SUSD1: variants seen among roughly 807,000 people sequenced by gnomAD.
SUSD1 encodes sushi domain-containing protein 1.
SUSD1 carries 65 observed loss-of-function variants against 86.9 expected under a neutral mutation model. The observed-to-expected ratio is 0.75, with a 90% CI of 0.61 to 0.92. The LOEUF is 0.92. SUSD1 is among the 40% of genes least tolerant of loss of function. The pLI is 0.00. For synonymous variants in SUSD1, 346 were observed against 350.0 expected (o/e 0.99, Z 0.13); for missense variants, 850 against 929.7 (o/e 0.91, Z 1.11).
At chr9:112,104,384 G>T (rs1830749547) in intron 8 of SUSD1, among the ~76,000 whole-genome samples, 1 of 151,648 alleles carries the variant, frequency 6.6e-6, no homozygotes, top group South Asian at 2.1e-4. Flanking sequence ...TACTACTATT[G>T]CTACTGCTAA....
chr9:112,046,258 T>C (rs899464704), intron 15 of SUSD1, among the ~76,000 whole-genome samples: 1 of 152,354 alleles, frequency 6.6e-6, no homozygotes, highest in East Asian at 1.9e-4. Flanking sequence ...CAAATTTGAA[T>C]TGTATTTTTT....
chr9:112,042,120 G>A, intron 15 of SUSD1, 160 bp from the exon 16 acceptor site: 3 of 1,541,080 alleles, frequency 1.9e-6, no homozygotes, highest in Middle Eastern at 1.7e-4. Context: ...CCCTGAGTTG[G>A]CCCTGTGGAT....
chr9:112,173,854 G>T, intron 1 of SUSD1: 1 of 296,734 alleles, frequency 3.4e-6, no homozygotes, highest in Non-Finnish European at 6.8e-6. Context: ...ATGTTTGTCA[G>T]GAACTTGGGG....
chr9:112,100,890 A>AC (rs59699795), intron 9 of SUSD1, among the ~76,000 whole-genome samples: 3 of 151,428 alleles, frequency 2.0e-5, no homozygotes, highest in South Asian at 2.1e-4. Context: ...ACACACACAC[A>AC]AATAAAATCT....
At chr9:112,072,322 T>C (rs992614452) in intron 12 of SUSD1, among the ~76,000 whole-genome samples, 22 of 151,896 alleles carry the variant, frequency 1.4e-4, no homozygotes, top group African/African-American at 4.1e-4. Flanking sequence ...CTAATTTTTG[T>C]ATTTTTAGTA....
At chr9:112,165,848 GA>G (rs1479553479) in intron 1 of SUSD1, among the ~76,000 whole-genome samples, 244 of 131,884 alleles carry the variant, frequency 1.9e-3, no homozygotes, top group African/African-American at 6.6e-3. Flanking sequence ...GAAAGAAAGA[GA>G]AAGAGAAGGA....
intron 2 of SUSD1, among the ~76,000 whole-genome samples, chr9:112,153,362 T>C (rs1321562689): frequency 6.6e-6 from 1 of 152,080 alleles, no homozygotes; most frequent in East Asian, 1.9e-4. Context: ...GTTATCACTG[T>C]CTTCCGCTTC....
Position 112,124,419 on chromosome 9 carries a change from G to A in SUSD1, c.724C>T (p.Pro242Ser), listed in dbSNP as rs1564316262. The change falls in exon 6 of 17, where the codon CCT becomes TCT. Residue 242 changes from proline (P) to serine (S), a missense_variant. Physicochemically the swap from Pro to Ser is moderately conservative, Grantham distance 74. Coordinates refer to ENST00000374270, the MANE Select transcript of SUSD1 (RefSeq NM_022486.5). ...AAGATGGCGTGCCGCATTTCTGGAG[G>A]GTTGCCACAGTTGATCTCTGCAATG... ...LHCQEINCGN[P>S]PEMRHAILVG... 1 of 1,613,936 alleles carries A rather than the reference G, an allele frequency of 6.2e-7. No individual in the cohort carries two copies. The highest frequency in any genetic ancestry group is 1.7e-5 in the Admixed American group (1 of 60,010).
intron 4 of SUSD1, among the ~76,000 whole-genome samples, chr9:112,142,961 CTTTTTTTTTTTTTTTTTTTTTTTTTTT>C: frequency 3.3e-5 from 1 of 30,214 alleles, no homozygotes; most frequent in South Asian, 2.2e-3. Context: ...TGAATTTTAG[CTTTTTTTTTTTTTTTTTTTTTTTTTTT>C]TTTTTTTTTT....
chr9:112,151,385 T>C (rs995816094), intron 2 of SUSD1, among the ~76,000 whole-genome samples: 1 of 151,760 alleles, frequency 6.6e-6, no homozygotes, highest in Non-Finnish European at 1.5e-5. Flanking sequence ...TCGCCTGAGG[T>C]CAGGAGTTCG....
At chr9:112,085,954 A>T (rs1292353768) in intron 10 of SUSD1, among the ~76,000 whole-genome samples, 1 of 152,114 alleles carries the variant, frequency 6.6e-6, no homozygotes, top group Non-Finnish European at 1.5e-5. Flanking sequence ...AAAATAAAAC[A>T]ACATAAAACA....
Position 112,175,270 on chromosome 9 carries a change from C to G in SUSD1, c.-35G>C, listed in dbSNP as rs1374117579. ...GGTCCCTCCCGGCGCGCCCGCGCCT[C>G]CTCCCGGGGCCCTCAGGGTGCAGAG... On this transcript the variant is annotated 5_prime_UTR_variant, in exon 1 of 17. Coordinates refer to ENST00000374270, the MANE Select transcript of SUSD1 (RefSeq NM_022486.5). The surrounding 1 kb of genome is among the most constrained non-coding windows in gnomAD (Gnocchi z 4.7). 8.8e-7 allele frequency: 1 copy of G among 1,137,522 alleles called. No individual in the cohort carries two copies. Among genetic ancestry groups the G allele is most frequent in the Non-Finnish European group, 1.1e-6 (1 of 927,548 alleles). 70.5% of individuals were successfully genotyped at this position (1,137,522 alleles called of 1,614,324 possible).
intron 15 of SUSD1, among the ~76,000 whole-genome samples, chr9:112,050,254 C>T (rs1297021706): frequency 6.6e-6 from 1 of 152,206 alleles, no homozygotes; most frequent in Non-Finnish European, 1.5e-5. Flanking sequence ...AGAAACAGGA[C>T]AGCACCCATC....
chr9:112,059,541 A>G (rs1347090749), intron 13 of SUSD1, among the ~76,000 whole-genome samples: 1 of 152,204 alleles, frequency 6.6e-6, no homozygotes, highest in Non-Finnish European at 1.5e-5. Flanking sequence ...TTCATGTGAA[A>G]TAAATGAGAC....
chr9:112,048,314 T>C (rs1828042575), intron 15 of SUSD1, among the ~76,000 whole-genome samples: 1 of 152,166 alleles, frequency 6.6e-6, no homozygotes, highest in Non-Finnish European at 1.5e-5. Flanking sequence ...AGACAAGGAA[T>C]TTGGGAACCA....
rs541543107 is a variant in SUSD1, at chr9:112,130,155, T to C, written c.707-5719A>G. 7.9e-5 allele frequency among the ~76,000 whole-genome samples: 12 copies of C among 152,134 alleles called. No homozygotes were observed. In the South Asian group the frequency reaches 1.9e-3, roughly 24 times the overall value. ...TGGGAGACCAAGGCAGGAGGATTGC[T>C]TCAGCCCAGGAGTTCAAGACCAGCC... On this transcript the variant is annotated intron_variant, in intron 5 of 16. Transcript: ENST00000374270.
intron 2 of SUSD1, among the ~76,000 whole-genome samples, chr9:112,153,637 G>A (rs1833164510): frequency 6.8e-6 from 1 of 146,382 alleles, no homozygotes; most frequent in South Asian, 2.1e-4. Flanking sequence ...TTTTGAGACG[G>A]AGTTTTGCTC....
chr9:112,104,288 G>A (rs938681484), intron 8 of SUSD1, among the ~76,000 whole-genome samples: 1 of 151,634 alleles, frequency 6.6e-6, no homozygotes, highest in Non-Finnish European at 1.5e-5. Flanking sequence ...AAAGTGCTGG[G>A]ATTACAGGCA....
At chr9:112,159,062 C>T (rs2131826633) in intron 1 of SUSD1, among the ~76,000 whole-genome samples, 1 of 151,964 alleles carries the variant, frequency 6.6e-6, no homozygotes, top group East Asian at 1.9e-4. Flanking sequence ...CAGCCAAGTC[C>T]CAGTAGGATG....
Sources: allele counts gnomAD v4.1 joint callset (sites outside exome capture counted in the v4.1 genomes callset), GRCh38; gene constraint gnomAD v4.1.1; non-coding constraint Gnocchi (gnomAD v3.1); transcripts MANE v1.5; gene names NCBI Gene and HGNC (gene_info 2026-07-23, HGNC 2026-07-21).